PDE11A: variants seen among roughly 807,000 people sequenced by gnomAD.
PDE11A encodes the protein dual 3',5'-cyclic-AMP and -GMP phosphodiesterase 11A.
In PDE11A, 100 loss-of-function variants were observed where a neutral mutation model predicts 100.5. That is an observed-to-expected ratio of 1.00 (90% CI 0.85 to 1.18). The LOEUF is 1.18. Among genes scored for constraint, PDE11A ranks in the 50% most tolerant of loss-of-function variants. The pLI is 0.00. For synonymous variants in PDE11A, 381 were observed against 420.8 expected (o/e 0.91, Z 1.16); for missense variants, 1,141 against 1,152.6 (o/e 0.99, Z 0.15).
chr2:178,041,768 T>A (rs570268959), intron 1 of PDE11A, among the ~76,000 whole-genome samples: 38 of 152,308 alleles, frequency 2.5e-4, no homozygotes, highest in South Asian at 4.1e-4. Context: ...AAATTCCTCT[T>A]TGGAAGTGCT....
chr2:178,071,184 A>C (rs2087122308), intron 1 of PDE11A, among the ~76,000 whole-genome samples: 1 of 152,226 alleles, frequency 6.6e-6, no homozygotes. Context: ...TCACAAACAC[A>C]TACTAAAACC....
rs753943449 is a variant in PDE11A, at chr2:177,728,166, T to TG, written c.1794dup (p.Asn599GlnfsTer12). ...GCAAGTTCTGACACCAGAGGGATGT[T>TG]GGCTGCCTAGAAAAGCAAAAGACAT... On this transcript the variant is annotated frameshift_variant, in exon 11 of 20. Coordinates refer to ENST00000286063, the MANE Select transcript of PDE11A (RefSeq NM_016953.4). LOFTEE classifies it high-confidence loss of function. 5 of 1,613,396 alleles carry TG rather than the reference T, an allele frequency of 3.1e-6. No homozygotes were observed. The highest frequency in any genetic ancestry group is 2.5e-6 in the Non-Finnish European group (3 of 1,179,556).
At chr2:177,906,789 A>G (rs752749794) in intron 2 of PDE11A, among the ~76,000 whole-genome samples, 4 of 152,212 alleles carry the variant, frequency 2.6e-5, no homozygotes, top group Non-Finnish European at 5.9e-5. Flanking sequence ...CAGATATTCC[A>G]TTAGAATTTC....
rs139916716 is a variant in PDE11A, at chr2:177,711,834, C to G, written c.2088G>C (p.Ala696=). 1 of 1,613,130 alleles carries G rather than the reference C, an allele frequency of 6.2e-7. No homozygotes were observed. Among genetic ancestry groups the G allele is most frequent in the African/African-American group, 1.3e-5 (1 of 74,908 alleles). Residue 696 remains alanine, a synonymous_variant, in exon 13 of 20, where the codon GCG becomes GCC. Coordinates refer to ENST00000286063, the MANE Select transcript of PDE11A (RefSeq NM_016953.4). ...CATGACACAGGCATCCCACAATCAC[C>G]GCTAAAATTTCCACCTCGGTCAGAA... The part of the protein sequence containing the change: ...QDILTEVEIL[A]VIVGCLCHDL...
intron 5 of PDE11A, among the ~76,000 whole-genome samples, chr2:177,843,801 C>A (rs1412257064): frequency 6.6e-6 from 1 of 152,120 alleles, no homozygotes; most frequent in Non-Finnish European, 1.5e-5. Flanking sequence ...TAAATGCCCA[C>A]TTCAAATTTC....
At chr2:177,674,388 G>GCTCCCTCTGGAGGCTCTTGGA (rs1470033851) in intron 17 of PDE11A, among the ~76,000 whole-genome samples, 9 of 152,342 alleles carry the variant, frequency 5.9e-5, no homozygotes, top group Non-Finnish European at 1.0e-4. Context: ...GCAGGGATGT[G>GCTCCCTCTGGAGGCTCTTGGA]CTCCCTCTGG....
intron 1 of PDE11A, among the ~76,000 whole-genome samples, chr2:178,105,459 A>AAAAAACAAAAAC (rs202022030): frequency 6.6e-6 from 1 of 152,066 alleles, no homozygotes; most frequent in African/African-American, 2.4e-5. Flanking sequence ...ACTCCCTCTC[A>AAAAAACAAAAAC]AAAAACAAAA....
chr2:177,964,394 T>C (rs1017009296), intron 2 of PDE11A, among the ~76,000 whole-genome samples: 1 of 152,182 alleles, frequency 6.6e-6, no homozygotes, highest in Admixed American at 6.6e-5. Context: ...TCTTTCCAAC[T>C]TTTATTTTAG....
chr2:177,860,664 T>C (rs1352414142), intron 5 of PDE11A, among the ~76,000 whole-genome samples: 1 of 151,740 alleles, frequency 6.6e-6, no homozygotes, highest in Non-Finnish European at 1.5e-5. Context: ...CTATAGACCC[T>C]TATAAATATA....
intron 6 of PDE11A, among the ~76,000 whole-genome samples, chr2:177,839,693 C>G (rs1420207900): frequency 1.3e-5 from 2 of 152,094 alleles, no homozygotes; most frequent in African/African-American, 4.8e-5. Flanking sequence ...CAATAGGAAA[C>G]CTTGTATTTA....
chr2:177,685,260 A>G (rs1168747963), intron 15 of PDE11A, among the ~76,000 whole-genome samples: 2 of 152,228 alleles, frequency 1.3e-5, no homozygotes, highest in Admixed American at 6.5e-5. Flanking sequence ...GGGGCTTCAC[A>G]GTTGCCATTT....
chr2:177,680,747 C>A, intron 16 of PDE11A, 79 bp downstream of exon 16: 3 of 772,974 alleles, frequency 3.9e-6, no homozygotes, highest in South Asian at 3.0e-5. Context: ...CACTTCTATG[C>A]TCTTAGTACT....
intron 12 of PDE11A, among the ~76,000 whole-genome samples, chr2:177,713,994 T>C (rs866276010): frequency 1.1e-3 from 127 of 116,242 alleles, no homozygotes; most frequent in African/African-American, 4.1e-3. Context: ...TTTCTTTTTT[T>C]TTTTTTTTTT....
Position 178,022,198 on chromosome 2 carries a change from T to G in PDE11A, c.913-7738A>C, listed in dbSNP as rs542925852. Among the ~76,000 whole-genome samples the G allele has an allele frequency of 7.9e-5, 12 of 152,186 alleles. No individual in the cohort carries two copies. In the South Asian group the frequency reaches 2.5e-3, roughly 32 times the overall value. On this transcript the variant is annotated intron_variant, in intron 1 of 19. Transcript: ENST00000286063. ...AGGAGTGGTGGAAAATGGACTGAGT[T>G]GAGAGATATTTAGGAGGTAGAATGA...
chr2:177,952,639 TC>T (rs35749582), intron 2 of PDE11A, among the ~76,000 whole-genome samples: 9,549 of 152,244 alleles, frequency 0.063, 313 homozygotes, highest in South Asian at 0.094. Flanking sequence ...AGGAAACTGA[TC>T]CCTCTTTATT....
chr2:178,081,815 TATC>T (rs986038047), intron 2 of PDE11A, among the ~76,000 whole-genome samples: 1 of 152,230 alleles, frequency 6.6e-6, no homozygotes, highest in African/African-American at 2.4e-5. Context: ...TATTAAAAGT[TATC>T]ATTTCCACAC....
intron 1 of PDE11A, among the ~76,000 whole-genome samples, chr2:178,026,027 G>A (rs1269767500): frequency 2.0e-5 from 3 of 152,190 alleles, no homozygotes; most frequent in Non-Finnish European, 1.5e-5. Flanking sequence ...AGACAGTGAT[G>A]CATGAAAAGC....
chr2:177,859,784 T>C (rs759227642), intron 5 of PDE11A, among the ~76,000 whole-genome samples: 1 of 150,996 alleles, frequency 6.6e-6, no homozygotes, highest in Non-Finnish European at 1.5e-5. Flanking sequence ...CCAAACACAA[T>C]GTGATAGAAT....
intron 5 of PDE11A, among the ~76,000 whole-genome samples, chr2:177,873,947 GACCTTTAGGACTTCACTTCT>G (rs2105692310): frequency 6.6e-6 from 1 of 152,172 alleles, no homozygotes; most frequent in African/African-American, 2.4e-5. Context: ...AGAACATATA[GACCTTTAGGACTTCACTTCT>G]GCAGTACTGA....
Sources: allele counts gnomAD v4.1 joint callset (sites outside exome capture counted in the v4.1 genomes callset), GRCh38; gene constraint gnomAD v4.1.1; transcripts MANE v1.5; gene names NCBI Gene and HGNC (gene_info 2026-07-23, HGNC 2026-07-21).